The following PHF6 variants were observed in gnomAD, a reference collection of about 807,000 sequenced individuals.
The protein encoded by PHF6 is PHD finger protein 6, also known as PHD-like zinc finger protein.
PHF6 carries 7 observed loss-of-function variants against 34.0 expected under a neutral mutation model. The ratio of observed to expected loss-of-function variants is 0.21; its 90% CI spans 0.12 to 0.39. The LOEUF is 0.39. Among genes scored for constraint, PHF6 ranks in the 10% least tolerant of loss-of-function variants. PHF6 has a pLI of 1.00. For missense variants in PHF6, 128 were observed against 262.8 expected, an observed-to-expected ratio of 0.49 and a Z score of 3.55; for synonymous variants, 89 against 88.4, an observed-to-expected ratio of 1.01 and a Z score of -0.04.
At chrX:134,379,432 CTTTTTTTTTTTTTTTT>C (rs34099570) in intron 3 of PHF6, among the ~76,000 whole-genome samples, 1 of 26,276 alleles carries the variant, frequency 3.8e-5, no homozygotes, top group Non-Finnish European at 5.7e-5. Flanking sequence ...CTTTTCTTTT[CTTTTTTTTTTTTTTTT>C]TTTTTTTTTT....
intron 3 of PHF6, among the ~76,000 whole-genome samples, chrX:134,379,630 C>T (rs1402522746): frequency 2.8e-5 from 3 of 108,787 alleles, no homozygotes; most frequent in Non-Finnish European, 5.7e-5. Flanking sequence ...TTAGTAGACA[C>T]GGTGTTTCAC....
chrX:134,382,894 A>C (rs1333777112), intron 3 of PHF6, among the ~76,000 whole-genome samples: 1 of 110,275 alleles, frequency 9.1e-6, no homozygotes, highest in African/African-American at 3.3e-5. Context: ...AGAGTTCAGA[A>C]GGCCATTTAG....
chrX:134,407,291 C>G (rs1489301927), intron 5 of PHF6, among the ~76,000 whole-genome samples: 1 of 112,325 alleles, frequency 8.9e-6, no homozygotes, highest in Non-Finnish European at 1.9e-5. Context: ...CTTAAAAGCT[C>G]AAATGTTAGC....
At chrX:134,398,684 A>G (rs957145397) in intron 5 of PHF6, among the ~76,000 whole-genome samples, 15 of 111,656 alleles carry the variant, frequency 1.3e-4, no homozygotes, top group African/African-American at 4.6e-4. Flanking sequence ...GAAAAGAGAT[A>G]TTGGAGATGA....
intron 7 of PHF6, among the ~76,000 whole-genome samples, chrX:134,414,554 C>A (rs2077464401): frequency 9.1e-6 from 1 of 109,928 alleles, no homozygotes; most frequent in East Asian, 2.8e-4. Flanking sequence ...GATTCTTAAC[C>A]AGAGTGCATG....
chrX:134,408,704 A>G (rs1003720976), intron 5 of PHF6, among the ~76,000 whole-genome samples: 3 of 111,566 alleles, frequency 2.7e-5, no homozygotes, highest in Non-Finnish European at 5.6e-5. Flanking sequence ...CTATATGCAA[A>G]TGATCTTCCA....
chrX:134,409,298 A>G (rs1213195799), intron 5 of PHF6, among the ~76,000 whole-genome samples: 2 of 111,252 alleles, frequency 1.8e-5, no homozygotes, highest in Non-Finnish European at 3.8e-5. Flanking sequence ...AAATGCCACC[A>G]TTATCATATT....
chrX:134,402,656 C>G (rs2077407441), intron 5 of PHF6, among the ~76,000 whole-genome samples: 1 of 111,712 alleles, frequency 9.0e-6, no homozygotes, highest in Non-Finnish European at 1.9e-5. Context: ...ACAGGCATAC[C>G]TTATTTTATT....
chrX:134,381,581 G>C (rs555694585), intron 3 of PHF6, among the ~76,000 whole-genome samples: 159 of 106,898 alleles, frequency 1.5e-3, no homozygotes, highest in African/African-American at 5.4e-3. Flanking sequence ...TGCAACCTCC[G>C]CCTCCTAGGT....
At chrX:134,394,059 C>T (rs776700235) in intron 5 of PHF6, 107 bp downstream of exon 5, 8 of 695,162 alleles carry the variant, frequency 1.2e-5, no homozygotes, top group Non-Finnish European at 1.8e-5. Flanking sequence ...CATATCTCAA[C>T]ATTCAGTACA....
At chrX:134,402,201 G>A (rs754825262) in intron 5 of PHF6, among the ~76,000 whole-genome samples, 7 of 111,687 alleles carry the variant, frequency 6.3e-5, no homozygotes, top group Non-Finnish European at 9.4e-5. Flanking sequence ...TCACCATGTT[G>A]GCCAAGATGG....
chrX:134,421,068 T>C (rs1413918153), intron 9 of PHF6, among the ~76,000 whole-genome samples: 1 of 111,748 alleles, frequency 8.9e-6, no homozygotes, highest in African/African-American at 3.2e-5. Flanking sequence ...GATATAATTT[T>C]CACTTTTAAT....
intron 9 of PHF6, 128 bp downstream of exon 9, chrX:134,417,430 G>T (rs1378905167): frequency 1.5e-6 from 1 of 669,949 alleles, no homozygotes. Context: ...AGCACATTAT[G>T]TAAGGAATGA....
At chrX:134,402,069 C>G (rs1029443391) in intron 5 of PHF6, among the ~76,000 whole-genome samples, 3 of 111,584 alleles carry the variant, frequency 2.7e-5, no homozygotes, top group Non-Finnish European at 5.6e-5. Context: ...GATCTCAGCT[C>G]ACTGCAACCT....
chrX:134,419,343 C>T (rs965544275), intron 9 of PHF6: 9 of 108,329 alleles, frequency 8.3e-5, no homozygotes, highest in Non-Finnish European at 1.5e-4. Context: ...GGCAACAAAG[C>T]GAGACTCTCA....
chrX:134,401,025 A>G (rs1416900547), intron 5 of PHF6, among the ~76,000 whole-genome samples: 1 of 111,982 alleles, frequency 8.9e-6, no homozygotes, highest in African/African-American at 3.2e-5. Flanking sequence ...AACAATGAGA[A>G]TGAAAGTACT....
In PHF6 at chrX:134,393,969, C is replaced by T. The variant is rs779081699; in HGVS notation, c.418+17C>T. The T allele has an allele frequency of 6.7e-6, 8 of 1,202,659 alleles. No homozygotes were observed. The highest frequency in any genetic ancestry group is 3.5e-5 in the African/African-American group (2 of 57,018). ...ACTCCGAAGGTACATCATTTAGCCA[C>T]GTTTCAGCCACTTTTCAGTTTCAAG... On this transcript the variant is annotated intron_variant, in intron 5 of 10. Transcript: ENST00000370803.
chrX:134,420,850 T>A (rs2077489311), intron 9 of PHF6, among the ~76,000 whole-genome samples: 1 of 111,427 alleles, frequency 9.0e-6, no homozygotes, highest in Non-Finnish European at 1.9e-5. Context: ...CACCTGAGCC[T>A]CCCAAAGTGC....
intron 9 of PHF6, chrX:134,417,610 A>G (rs1358976783): frequency 5.4e-6 from 1 of 185,743 alleles, no homozygotes; most frequent in African/African-American, 3.0e-5. Flanking sequence ...CTGTAATCCC[A>G]GCACTTTGGG....
Sources: allele counts gnomAD v4.1 joint callset (sites outside exome capture counted in the v4.1 genomes callset), GRCh38; gene constraint gnomAD v4.1.1; transcripts MANE v1.5; gene names NCBI Gene and HGNC (gene_info 2026-07-23, HGNC 2026-07-21).